The following SIPA1L3 variants were observed in gnomAD, a reference collection of about 807,000 sequenced individuals.
SIPA1L3 encodes signal-induced proliferation-associated 1-like protein 3.
A neutral mutation model predicts 150.1 loss-of-function variants in SIPA1L3; 59 were observed. That is an observed-to-expected ratio of 0.39 (90% CI 0.32 to 0.49). The LOEUF (loss-of-function observed/expected upper bound fraction) is 0.49, where lower values mean the gene tolerates loss of function less well. Among genes scored for constraint, SIPA1L3 ranks in the 20% least tolerant of loss-of-function variants. The pLI, the probability that SIPA1L3 is intolerant of heterozygous loss-of-function variation, is 0.86. For synonymous variants in SIPA1L3, 1,070 were observed against 1,077.6 expected, an observed-to-expected ratio of 0.99 and a Z score of 0.14; for missense variants, 2,211 against 2,489.5, an observed-to-expected ratio of 0.89 and a Z score of 2.38.
intron 19 of SIPA1L3, 55 bp downstream of exon 19, chr19:38,198,587 G>GCT: frequency 7.2e-7 from 1 of 1,381,708 alleles, no homozygotes; most frequent in South Asian, 1.9e-5. Flanking sequence ...CTGTTCTAGA[G>GCT]GGATTCATGG....
chr19:38,140,341 G>A (rs1971546446), intron 10 of SIPA1L3, among the ~76,000 whole-genome samples: 1 of 152,038 alleles, frequency 6.6e-6, no homozygotes, highest in South Asian at 2.1e-4. Flanking sequence ...TGCCAGCCTG[G>A]TCTAGGGGGA....
Position 38,196,555 on chromosome 19 carries a change from GGAGCGTGGAGGTCAAGGGCA to G in SIPA1L3, c.4841-1815_4841-1796del, listed in dbSNP as rs1382102672. Among the ~76,000 whole-genome samples the G allele has an allele frequency of 7.5e-4, 111 of 147,856 alleles. 1 individual carries two copies. Among genetic ancestry groups the G allele is most frequent in the Middle Eastern group, 3.7e-3 (1 of 272 alleles). ...AGGGCAGAGCAAGGAGGTCAAGGGC[GGAGCGTGGAGGTCAAGGGCA>G]GAGCGTGGAGGTCAAGGGAGGAGCA... is the stretch of plus-strand genomic sequence containing the variant. On this transcript the variant is annotated intron_variant, in intron 18 of 21. Coordinates refer to ENST00000222345, the MANE Select transcript of SIPA1L3 (RefSeq NM_015073.3).
chr19:38,002,965 G>A (rs1020841829), intron 1 of SIPA1L3, among the ~76,000 whole-genome samples: 6 of 151,722 alleles, frequency 4.0e-5, no homozygotes, highest in Non-Finnish European at 7.4e-5. Context: ...CCAATGTGGT[G>A]AAACCCGATC....
rs2146051418 is a variant in SIPA1L3 at position 38,194,970 on chromosome 19, G to A, written c.4840+1190G>A. ...GGAGGCTGAGGCAGGAGAATCACTT[G>A]AACCTGGGAGGCAGAGGTTGCAGTG... On this transcript the variant is annotated intron_variant, in intron 18 of 21. Coordinates refer to ENST00000222345, the MANE Select transcript of SIPA1L3 (RefSeq NM_015073.3). Among the ~76,000 whole-genome samples, 3 of 152,174 alleles carry A rather than the reference G, an allele frequency of 2.0e-5. No individual in the cohort carries two copies. The South Asian group carries it at 6.2e-4, about 32-fold the overall frequency.
chr19:37,961,600 C>CT (rs2046858967), intron 1 of SIPA1L3, among the ~76,000 whole-genome samples: 1 of 152,102 alleles, frequency 6.6e-6, no homozygotes, highest in Non-Finnish European at 1.5e-5. Flanking sequence ...GTGTGGCTCT[C>CT]TTTCTATTTA....
intron 1 of SIPA1L3, among the ~76,000 whole-genome samples, chr19:37,923,524 C>G (rs1382892296): frequency 6.6e-6 from 1 of 152,144 alleles, no homozygotes; most frequent in Non-Finnish European, 1.5e-5. Flanking sequence ...GTACAGGGCA[C>G]TTACCGTGGA....
chr19:38,093,968 A>C (rs1419175797), intron 4 of SIPA1L3, among the ~76,000 whole-genome samples: 1 of 152,208 alleles, frequency 6.6e-6, no homozygotes, highest in Non-Finnish European at 1.5e-5. Context: ...GATGGCAACC[A>C]GCCAGGAACT....
In SIPA1L3 at chr19:38,174,863, A is replaced by G. The variant is rs113678430; in HGVS notation, c.4209-7656A>G. On this transcript the variant is annotated intron_variant, in intron 15 of 21. Transcript: ENST00000222345. ...AAAAAAAAAAGGATCCTCCATCTAA[A>G]GTTGTGAGGGCGAACTGAGACCATG... Among the ~76,000 whole-genome samples, 361 of 151,966 alleles carry G rather than the reference A, an allele frequency of 2.4e-3. 3 individuals are homozygous for G. The highest frequency in any genetic ancestry group is 8.2e-3 in the African/African-American group (342 of 41,458).
chr19:38,184,013 GA>G (rs1159585008), intron 16 of SIPA1L3, among the ~76,000 whole-genome samples: 2 of 152,198 alleles, frequency 1.3e-5, no homozygotes, highest in Non-Finnish European at 2.9e-5. Flanking sequence ...TGAAAGAGGA[GA>G]GGGGTGTGCA....
chr19:38,125,184 C>T (rs1044204105), intron 9 of SIPA1L3, among the ~76,000 whole-genome samples: 7 of 152,148 alleles, frequency 4.6e-5, no homozygotes, highest in Middle Eastern at 3.2e-3. Context: ...TACAGGCGCC[C>T]GCCACCATGC....
chr19:37,995,078 A>G (rs986209542), intron 1 of SIPA1L3, among the ~76,000 whole-genome samples: 1 of 152,108 alleles, frequency 6.6e-6, no homozygotes, highest in African/African-American at 2.4e-5. Flanking sequence ...GAGTAGGGGA[A>G]AGGTTTCCTC....
rs1480627523 is a variant in SIPA1L3 at position 38,144,634 on chromosome 19, G to GT, written c.3533+1927dup. Among the ~76,000 whole-genome samples the GT allele has an allele frequency of 2.6e-5, 4 of 152,344 alleles. No individual in the cohort carries two copies. In the East Asian group the frequency reaches 7.7e-4, roughly 29 times the overall value. On this transcript the variant is annotated intron_variant, in intron 12 of 21. Transcript: ENST00000222345. ...GTTCAATTGGAGAAACACGCCCACTGTTTCTTCTTCTAGTAGCCACCATTC... is the reference window on the plus strand; with the variant it reads ...GTTCAATTGGAGAAACACGCCCACTGTTTTCTTCTTCTAGTAGCCACCATTC...
intron 1 of SIPA1L3, among the ~76,000 whole-genome samples, chr19:37,931,944 A>C (rs2046557747): frequency 6.6e-6 from 1 of 152,190 alleles, no homozygotes. Flanking sequence ...TGTGAGGGTT[A>C]GGAGAGAGAA....
intron 2 of SIPA1L3, among the ~76,000 whole-genome samples, chr19:38,060,384 GA>G (rs1357425486): frequency 1.3e-5 from 2 of 151,874 alleles, no homozygotes; most frequent in African/African-American, 4.8e-5. Flanking sequence ...ATGAGTATTA[GA>G]AAAAAAATAA....
chr19:38,042,780 C>T (rs1401095829), intron 2 of SIPA1L3, among the ~76,000 whole-genome samples: 3 of 152,176 alleles, frequency 2.0e-5, no homozygotes, highest in Non-Finnish European at 2.9e-5. Flanking sequence ...TTTGACCTTC[C>T]TGCGTGAGCT....
chr19:38,106,203 T>G (rs1600078832), intron 6 of SIPA1L3: 1 of 271,360 alleles, frequency 3.7e-6, no homozygotes, highest in South Asian at 3.6e-5. Flanking sequence ...GCCTCCCGGG[T>G]TCAAGCGATT....
In SIPA1L3 at chr19:38,082,445, G is replaced by T; in HGVS notation, c.880G>T (p.Gly294Trp). The T allele has an allele frequency of 1.3e-6, 2 of 1,590,388 alleles. No individual in the cohort carries two copies. The highest frequency in any genetic ancestry group is 1.7e-6 in the Non-Finnish European group (2 of 1,170,480). The part of the protein sequence containing the change: ...RKKPARGLGG[G>W]DTVDSSIFRK... ...GAAACCTGCGCGGGGCCTCGGCGGCGGGGACACGGTGGACTCGTCCATCTT... is the reference window on the plus strand; with the variant it reads ...GAAACCTGCGCGGGGCCTCGGCGGCTGGGACACGGTGGACTCGTCCATCTT... Residue 294 changes from glycine to tryptophan, a missense_variant, in exon 3 of 22, where the codon GGG becomes TGG. Gly to Trp is a radical substitution (Grantham distance 184, BLOSUM62 -2). Transcript: ENST00000222345.
chr19:38,086,637 T>G (rs12461946), intron 3 of SIPA1L3, among the ~76,000 whole-genome samples: 48,033 of 152,090 alleles, frequency 0.32, 8,124 homozygotes, highest in East Asian at 0.62. Context: ...GAGCCATGAT[T>G]GCACCACTGC....
intron 1 of SIPA1L3, among the ~76,000 whole-genome samples, chr19:37,955,663 A>C (rs1023216403): frequency 2.6e-5 from 4 of 152,202 alleles, no homozygotes; most frequent in Non-Finnish European, 4.4e-5. Context: ...GTCACTTAGC[A>C]TAATGTTTCT....
Sources: allele counts gnomAD v4.1 joint callset (sites outside exome capture counted in the v4.1 genomes callset), GRCh38; gene constraint gnomAD v4.1.1; transcripts MANE v1.5; gene names NCBI Gene and HGNC (gene_info 2026-07-23, HGNC 2026-07-21).